CFAP70: variants seen among roughly 807,000 people sequenced by gnomAD.
CFAP70 encodes cilia- and flagella-associated protein 70.
In CFAP70, 81 loss-of-function variants were observed where a neutral mutation model predicts 137.6. The observed-to-expected ratio is 0.59, with a 90% confidence interval of 0.49 to 0.71. CFAP70 has a LOEUF of 0.71. Among genes scored for constraint, CFAP70 ranks in the 30% least tolerant of loss-of-function variants. CFAP70 has a pLI of 0.00. For missense variants in CFAP70, 976 were observed against 1,226.7 expected, an observed-to-expected ratio of 0.80 and a Z score of 3.05; for synonymous variants, 382 against 423.6, an observed-to-expected ratio of 0.90 and a Z score of 1.20.
At chr10:73,287,856 T>C (rs556163610) in intron 19 of CFAP70, among the ~76,000 whole-genome samples, 82 of 124,714 alleles carry the variant, frequency 6.6e-4, no homozygotes, top group African/African-American at 2.0e-3. Flanking sequence ...TTTTAACATC[T>C]ATCTATCTAT....
chr10:73,339,394 G>T (rs764001657), intron 6 of CFAP70, among the ~76,000 whole-genome samples: 5 of 152,212 alleles, frequency 3.3e-5, no homozygotes, highest in Non-Finnish European at 7.3e-5. Context: ...GGAAACACAA[G>T]AAACTGTAAC....
At chr10:73,300,311 G>A (rs1350885982) in intron 12 of CFAP70, among the ~76,000 whole-genome samples, 2 of 151,888 alleles carry the variant, frequency 1.3e-5, no homozygotes, top group African/African-American at 4.8e-5. Flanking sequence ...TTTAGTTTCA[G>A]GTTCTTGCTA....
At chr10:73,256,710 T>C (rs756549361) in intron 25 of CFAP70, among the ~76,000 whole-genome samples, 3 of 151,936 alleles carry the variant, frequency 2.0e-5, no homozygotes, top group Non-Finnish European at 4.4e-5. Flanking sequence ...GAGATCATCC[T>C]GGCTAACACG....
intron 25 of CFAP70, among the ~76,000 whole-genome samples, chr10:73,265,355 C>A (rs2045662124): frequency 6.6e-6 from 1 of 151,328 alleles, no homozygotes; most frequent in African/African-American, 2.4e-5. Flanking sequence ...AGAAGAGATT[C>A]ATGTATATTT....
At chr10:73,282,127 G>GGAAGGCTGGA (rs1047582164) in intron 19 of CFAP70, among the ~76,000 whole-genome samples, 1 of 145,458 alleles carries the variant, frequency 6.9e-6, no homozygotes, top group African/African-American at 2.6e-5. Context: ...GGAAGGCTGG[G>GGAAGGCTGGA]GAAGGCTGGA....
intron 25 of CFAP70, among the ~76,000 whole-genome samples, chr10:73,257,460 CAT>C (rs2044638852): frequency 6.6e-6 from 1 of 152,194 alleles, no homozygotes; most frequent in Admixed American, 6.5e-5. Context: ...GAGTTTGCTA[CAT>C]AGTTACTTAG....
chr10:73,298,832 G>T, intron 14 of CFAP70, 75 bp downstream of exon 15: 1 of 1,359,736 alleles, frequency 7.4e-7, no homozygotes, highest in Non-Finnish European at 1.0e-6. Context: ...AATCAGAGGA[G>T]AAAATGTGAT....
chr10:73,338,647 T>C (rs2052940682), intron 6 of CFAP70, among the ~76,000 whole-genome samples: 1 of 151,842 alleles, frequency 6.6e-6, no homozygotes, highest in Non-Finnish European at 1.5e-5. Context: ...TCCAGGCTGG[T>C]CTCGAACTCC....
intron 14 of CFAP70, among the ~76,000 whole-genome samples, chr10:73,298,517 T>G (rs2048705385): frequency 6.6e-6 from 1 of 152,164 alleles, no homozygotes. Flanking sequence ...GCCTCCTTTC[T>G]GATAACTGTT....
intron 9 of CFAP70, among the ~76,000 whole-genome samples, chr10:73,318,681 G>A (rs560093876): frequency 1.3e-5 from 2 of 152,330 alleles, no homozygotes; most frequent in African/African-American, 4.8e-5. Context: ...GTAAATGGCA[G>A]TTTCAGAATT....
chr10:73,300,643 G>A (rs1241799019), intron 12 of CFAP70, among the ~76,000 whole-genome samples: 2 of 152,060 alleles, frequency 1.3e-5, no homozygotes, highest in African/African-American at 4.8e-5. Flanking sequence ...CGGGTGGATT[G>A]CCTGAGCTTA....
chr10:73,354,819 T>C (rs1204525000), exon 2 of CFAP70: 11 of 1,611,450 alleles, frequency 6.8e-6, no homozygotes, highest in Non-Finnish European at 9.3e-6. Flanking sequence ...GAAAAGTCCC[T>C]CTGTTTTCTT....
chr10:73,317,690 C>T (rs1205485298), intron 9 of CFAP70, among the ~76,000 whole-genome samples: 1 of 152,084 alleles, frequency 6.6e-6, no homozygotes, highest in Non-Finnish European at 1.5e-5. Context: ...GGTTGCCTTC[C>T]ACCAAGATTG....
At chr10:73,350,989 ATATG>A (rs994772245) in intron 3 of CFAP70, among the ~76,000 whole-genome samples, 7 of 142,622 alleles carry the variant, frequency 4.9e-5, no homozygotes, top group Admixed American at 1.4e-4. Context: ...GTGTGTATAT[ATATG>A]TGTGTATATG....
At chr10:73,333,881 G>A (rs2052365957) in intron 7 of CFAP70, among the ~76,000 whole-genome samples, 1 of 152,110 alleles carries the variant, frequency 6.6e-6, no homozygotes, top group Non-Finnish European at 1.5e-5. Context: ...TAATTGATCT[G>A]ATAACTATTT....
rs374439648 is a variant in CFAP70 at position 73,294,109 on chromosome 10, C to G, written c.1645-721G>C. The G allele has an allele frequency of 3.9e-5, 6 of 152,204 alleles. No individual in the cohort carries two copies. The East Asian group carries it at 9.6e-4, about 24-fold the overall frequency. 9.4% of individuals were successfully genotyped at this position (152,204 alleles called of 1,614,324 possible). A position where few individuals can be genotyped will look rare whatever the true frequency, so the allele number is the denominator to read the frequency against. On this transcript the variant is annotated intron_variant, in intron 15 of 26. Transcript: ENST00000310715. ...ACAGTAAAGCCAAATTTGAGATAGG[C>G]CAAAGAGAGTTTCTGATCATTGATT...
intron 22 of CFAP70, 36 bp from the exon 24 acceptor site, chr10:73,274,630 G>A (rs772975694): frequency 1.9e-6 from 3 of 1,556,390 alleles, no homozygotes; most frequent in South Asian, 2.4e-5. Context: ...TATGGGATAA[G>A]GTAGTATTTA....
intron 6 of CFAP70, among the ~76,000 whole-genome samples, chr10:73,338,743 T>C (rs979041447): frequency 6.6e-6 from 1 of 151,832 alleles, no homozygotes; most frequent in African/African-American, 2.4e-5. Flanking sequence ...GGATCTTTTT[T>C]AAACCAAATA....
At position 73,349,496 on chromosome 10, in the gene CFAP70, C is replaced by T. The variant is rs527911690; in HGVS notation, c.251-975G>A. Among the ~76,000 whole-genome samples, 223 of 151,366 alleles carry T rather than the reference C, an allele frequency of 1.5e-3. 2 individuals carry two copies. The highest frequency in any genetic ancestry group is 4.3e-3 in the Admixed American group (65 of 15,162). On this transcript the variant is annotated intron_variant, in intron 3 of 26. Coordinates refer to ENST00000310715, the Ensembl canonical transcript of CFAP70. ...AGGTGGAGCTTGCAGTGAGCCGAGA[C>T]TGTGCCACTGCATTACAGCCTGGGC... is the stretch of plus-strand genomic sequence containing the variant.
Sources: allele counts gnomAD v4.1 joint callset (sites outside exome capture counted in the v4.1 genomes callset), GRCh38; gene constraint gnomAD v4.1.1; transcripts MANE v1.5; gene names NCBI Gene and HGNC (gene_info 2026-07-23, HGNC 2026-07-21).